The following ALDH9A1 variants were observed in gnomAD, a reference collection of about 807,000 sequenced individuals.
The protein encoded by ALDH9A1 is aldehyde dehydrogenase 9 family member A1.
ALDH9A1 carries 42 observed loss-of-function variants against 56.6 expected under a neutral mutation model. That is an observed-to-expected ratio of 0.74 (90% CI 0.58 to 0.96). The LOEUF (loss-of-function observed/expected upper bound fraction) is 0.96, where lower values mean the gene tolerates loss of function less well. ALDH9A1 is among the 40% of genes least tolerant of loss of function. ALDH9A1 has a pLI of 0.00. For missense variants in ALDH9A1, 661 were observed against 651.5 expected, an observed-to-expected ratio of 1.01 and a Z score of -0.16; for synonymous variants, 242 against 236.0, an observed-to-expected ratio of 1.03 and a Z score of -0.23.
intron 3 of ALDH9A1, 124 bp from the exon 4 acceptor site, chr1:165,682,365 G>A: frequency 1.9e-6 from 2 of 1,029,036 alleles, no homozygotes; most frequent in Admixed American, 2.7e-5. Flanking sequence ...AATACACCAG[G>A]CTCACCCTGT....
chr1:165,682,112 G>A lies in ALDH9A1; in HGVS notation c.587C>T (p.Ala196Val), dbSNP rs1649569428. 4.3e-6 allele frequency: 7 copies of A among 1,613,924 alleles called. No individual in the cohort carries two copies. Among genetic ancestry groups the A allele is most frequent in the Non-Finnish European group, 5.9e-6 (7 of 1,179,952 alleles). The change falls in exon 4 of 11, where the codon GCC (alanine) becomes GTC (valine). Residue 196 changes from alanine (A) to valine (V), a missense_variant. Coordinates refer to ENST00000354775, the MANE Select transcript of ALDH9A1 (RefSeq NM_000696.4). ...IASWKSAPAL[A>V]CGNAMVFKPS... ...GAGGGATAATTCATTCTTACCACAGGCTAATGCTGGAGCCGACTTCCAAGA... is the reference window on the plus strand; with the variant it reads ...GAGGGATAATTCATTCTTACCACAGACTAATGCTGGAGCCGACTTCCAAGA...
At chr1:165,675,769 A>C (rs937895866) in intron 6 of ALDH9A1, among the ~76,000 whole-genome samples, 4 of 152,222 alleles carry the variant, frequency 2.6e-5, no homozygotes, top group African/African-American at 7.2e-5. Flanking sequence ...ACACTGAAGG[A>C]GGGTGAAGGA....
Position 165,695,416 on chromosome 1 carries a change from T to C in ALDH9A1, c.182-19A>G. On this transcript the variant is annotated intron_variant, in intron 1 of 10. Transcript: ENST00000354775. ...ACTCGGCCTATAAAGAGCGGAAACA[T>C]CAGTTTTAACTCAAATTGTTGCCAC... The C allele has an allele frequency of 6.4e-7, 1 of 1,572,484 alleles. No individual in the cohort carries two copies.
Position 165,663,120 on chromosome 1 carries a change from A to G in ALDH9A1, c.1487T>C (p.Val496Ala). The change falls in exon 11 of 11, where the codon GTG becomes GCG. Residue 496 changes from valine to alanine, a missense_variant. Val to Ala is a moderately conservative substitution (Grantham distance 64). Transcript: ENST00000354775. Reference sequence around the variant, plus strand: ...CAGCTGTGAATAATATTCGATTGTCACACGGCCGTTCTCTCTGCCAAATCC... The same window carrying G: ...CAGCTGTGAATAATATTCGATTGTCGCACGGCCGTTCTCTCTGCCAAATCC... The part of the protein sequence containing the change: ...KSGFGRENGR[V>A]TIEYYSQLKT... 1.2e-6 allele frequency: 2 copies of G among 1,614,018 alleles called. No individual in the cohort carries two copies. The highest frequency in any genetic ancestry group is 1.7e-6 in the Non-Finnish European group (2 of 1,179,936).
chr1:165,685,798 C>A (rs538519603), intron 2 of ALDH9A1, among the ~76,000 whole-genome samples: 13 of 152,302 alleles, frequency 8.5e-5, no homozygotes, highest in African/African-American at 3.1e-4. Flanking sequence ...GTAGGAGGAC[C>A]ACTCTGGTGG....
intron 2 of ALDH9A1, among the ~76,000 whole-genome samples, chr1:165,694,994 G>A (rs947508904): frequency 1.3e-5 from 2 of 151,646 alleles, no homozygotes; most frequent in African/African-American, 4.8e-5. Flanking sequence ...AGGACGATGA[G>A]CTATAAAGAG....
At chr1:165,666,847 CAT>C (rs1649024382) in intron 9 of ALDH9A1, among the ~76,000 whole-genome samples, 1 of 152,122 alleles carries the variant, frequency 6.6e-6, no homozygotes, top group African/African-American at 2.4e-5. Context: ...AGATATTAAT[CAT>C]ATTACTATAA....
At chr1:165,687,883 G>T (rs751740885) in intron 2 of ALDH9A1, among the ~76,000 whole-genome samples, 8 of 152,080 alleles carry the variant, frequency 5.3e-5, no homozygotes, top group Non-Finnish European at 1.0e-4. Flanking sequence ...AGCTACTCGG[G>T]AGGCTGAGGC....
chr1:165,686,091 T>A (rs146482478), intron 2 of ALDH9A1, among the ~76,000 whole-genome samples: 1 of 152,272 alleles, frequency 6.6e-6, no homozygotes, highest in East Asian at 1.9e-4. Context: ...AATGAGCTTC[T>A]AGCCAAGATG....
At chr1:165,678,992 C>A (rs189277421) in intron 6 of ALDH9A1, among the ~76,000 whole-genome samples, 51 of 152,246 alleles carry the variant, frequency 3.3e-4, no homozygotes, top group Non-Finnish European at 3.4e-4. Context: ...CATTTTTGTT[C>A]TATTTTACTA....
At position 165,673,565 on chromosome 1, in the gene ALDH9A1, G is replaced by A. The variant is rs567982221; in HGVS notation, c.931-4115C>T. On this transcript the variant is annotated intron_variant, in intron 6 of 10. Transcript: ENST00000354775. ...GGGACAATACTGAGGAGATCCTCCC[G>A]ACCCAAAAGAAATAGACTGCAGCAC... Among the ~76,000 whole-genome samples the A allele has an allele frequency of 4.6e-5, 7 of 152,132 alleles. No homozygotes were observed. The East Asian group carries it at 5.8e-4, about 13-fold the overall frequency.
At chr1:165,694,265 C>T (rs1287739117) in intron 2 of ALDH9A1, among the ~76,000 whole-genome samples, 1 of 151,474 alleles carries the variant, frequency 6.6e-6, no homozygotes, top group Non-Finnish European at 1.5e-5. Flanking sequence ...CTCTGGACTC[C>T]CAGGAAGAGG....
At chr1:165,680,946 G>A (rs1415886407) in intron 4 of ALDH9A1, among the ~76,000 whole-genome samples, 1 of 152,208 alleles carries the variant, frequency 6.6e-6, no homozygotes, top group Non-Finnish European at 1.5e-5. Flanking sequence ...GGCGGGAGGT[G>A]AAAGTCACTT....
chr1:165,693,663 C>T (rs1649966280), intron 2 of ALDH9A1, among the ~76,000 whole-genome samples: 1 of 152,178 alleles, frequency 6.6e-6, no homozygotes, highest in Admixed American at 6.5e-5. Context: ...GTGGCGATTC[C>T]TCAAATATCT....
chr1:165,678,168 T>C (rs1256145072), intron 6 of ALDH9A1, among the ~76,000 whole-genome samples: 1 of 151,972 alleles, frequency 6.6e-6, no homozygotes, highest in African/African-American at 2.4e-5. Flanking sequence ...ACTCTGTCTC[T>C]ACTAAAAATA....
At chr1:165,692,517 G>C (rs941335543) in intron 2 of ALDH9A1, among the ~76,000 whole-genome samples, 1 of 152,070 alleles carries the variant, frequency 6.6e-6, no homozygotes, top group Non-Finnish European at 1.5e-5. Flanking sequence ...GGGATGTGAA[G>C]GACCTCTTCA....
intron 10 of ALDH9A1, among the ~76,000 whole-genome samples, chr1:165,663,549 C>G (rs1648907467): frequency 6.6e-6 from 1 of 152,200 alleles, no homozygotes; most frequent in African/African-American, 2.4e-5. Flanking sequence ...TCTTAAACAC[C>G]TATAAGAGCA....
intron 4 of ALDH9A1, 110 bp downstream of exon 4, chr1:165,681,997 C>T: frequency 1.4e-6 from 2 of 1,435,784 alleles, no homozygotes; most frequent in East Asian, 2.3e-5. Context: ...GAGCAGGCCC[C>T]TTCCGATTTA....
At chr1:165,673,784 G>C (rs1000119601) in intron 6 of ALDH9A1, among the ~76,000 whole-genome samples, 5 of 152,074 alleles carry the variant, frequency 3.3e-5, no homozygotes, top group African/African-American at 1.2e-4. Flanking sequence ...GCAACCCTTA[G>C]GATTAAGGGT....
Sources: allele counts gnomAD v4.1 joint callset (sites outside exome capture counted in the v4.1 genomes callset), GRCh38; gene constraint gnomAD v4.1.1; transcripts MANE v1.5; gene names NCBI Gene and HGNC (gene_info 2026-07-23, HGNC 2026-07-21).